EYS: variants seen among roughly 807,000 people sequenced by gnomAD.
The protein encoded by EYS is protein eyes shut homolog.
In EYS, 250 loss-of-function variants were observed where a neutral mutation model predicts 282.1. The observed-to-expected ratio is 0.89, with a 90% CI of 0.80 to 0.98. The LOEUF (loss-of-function observed/expected upper bound fraction) is 0.98. EYS is among the 50% of genes least tolerant of loss of function. The pLI is 0.00. For missense variants in EYS, 4,016 were observed against 3,709.0 expected (o/e 1.08, Z -2.15); for synonymous variants, 1,355 against 1,282.9 (o/e 1.06, Z -1.20).
intron 31 of EYS, among the ~76,000 whole-genome samples, chr6:64,147,225 A>T (rs1490912484): frequency 6.6e-6 from 1 of 152,128 alleles, no homozygotes; most frequent in Non-Finnish European, 1.5e-5. Flanking sequence ...GCACTTAGAA[A>T]AGGAGATGGT....
chr6:65,372,883 C>T (rs913528470), intron 8 of EYS, among the ~76,000 whole-genome samples: 1 of 151,772 alleles, frequency 6.6e-6, no homozygotes, highest in Non-Finnish European at 1.5e-5. Flanking sequence ...TATTTTCCAG[C>T]CTATTTTATT....
At chr6:63,785,690 T>C (rs1228506158) in intron 39 of EYS, among the ~76,000 whole-genome samples, 1 of 152,086 alleles carries the variant, frequency 6.6e-6, no homozygotes, top group Non-Finnish European at 1.5e-5. Flanking sequence ...ATCACGAACT[T>C]TGGATTAGAG....
At chr6:63,781,699 G>C (rs932540614) in intron 39 of EYS, among the ~76,000 whole-genome samples, 2 of 152,110 alleles carry the variant, frequency 1.3e-5, no homozygotes, top group Non-Finnish European at 1.5e-5. Flanking sequence ...CTGCAAACAG[G>C]GACAATCTTA....
intron 22 of EYS, among the ~76,000 whole-genome samples, chr6:64,807,075 A>C (rs1764452405): frequency 6.6e-6 from 1 of 152,168 alleles, no homozygotes; most frequent in Admixed American, 6.6e-5. Context: ...CACATGGTTA[A>C]TAATACTTAT....
At chr6:64,906,442 C>T (rs937898064) in intron 16 of EYS, among the ~76,000 whole-genome samples, 1 of 152,070 alleles carries the variant, frequency 6.6e-6, no homozygotes. Flanking sequence ...TAATTGTCAA[C>T]AGGAGTAATT....
rs1424625518 is a variant in EYS, at chr6:64,912,722, C to T, written c.2403G>A (p.Trp801Ter). Residue 801 changes from tryptophan to a stop codon, truncating the protein, a stop_gained, in exon 16 of 43, where the codon TGG becomes TGA. Transcript: ENST00000503581. LOFTEE classifies it high-confidence loss of function. Reference protein sequence around the residue: ...KSYRCECTSGWTGQNCSEEIN... With the variant: ...KSYRCECTSG Reference sequence around the variant, plus strand: ...TTTCTTCACTACAGTTCTGTCCAGTCCATCCAGATGTACACTCACATCTGA... The same window carrying T: ...TTTCTTCACTACAGTTCTGTCCAGTTCATCCAGATGTACACTCACATCTGA... 6.9e-7 allele frequency: 1 copy of T among 1,438,890 alleles called. No individual in the cohort carries two copies. The highest frequency in any genetic ancestry group is 9.2e-7 in the Non-Finnish European group (1 of 1,087,894). The allele number at this position is 1,438,890 out of a possible 1,614,324, so 89.1% of individuals were successfully genotyped here. A position where few individuals can be genotyped will look rare whatever the true frequency, so the allele number is the denominator to read the frequency against.
intron 36 of EYS, among the ~76,000 whole-genome samples, chr6:63,843,216 G>A (rs1175500621): frequency 2.0e-5 from 3 of 152,126 alleles, no homozygotes; most frequent in African/African-American, 4.8e-5. Flanking sequence ...CCATTTTCAC[G>A]ATATTGATTC....
At chr6:63,970,827 G>A (rs1029626550) in intron 35 of EYS, among the ~76,000 whole-genome samples, 1 of 152,142 alleles carries the variant, frequency 6.6e-6, no homozygotes, top group African/African-American at 2.4e-5. Context: ...ATGAGAGGAA[G>A]GAAACTGGAA....
At chr6:65,685,369 G>A (rs147767621) in intron 1 of EYS, among the ~76,000 whole-genome samples, 40 of 152,070 alleles carry the variant, frequency 2.6e-4, no homozygotes, top group Non-Finnish European at 3.8e-4. Flanking sequence ...AAGAAGCTAC[G>A]ACTACGACAT....
intron 13 of EYS, among the ~76,000 whole-genome samples, chr6:65,024,491 G>A (rs1201752850): frequency 6.6e-6 from 1 of 152,148 alleles, no homozygotes; most frequent in Non-Finnish European, 1.5e-5. Context: ...TCATTACAGG[G>A]CTGAGTGTTC....
intron 22 of EYS, among the ~76,000 whole-genome samples, chr6:64,772,969 C>A (rs913137964): frequency 3.3e-5 from 5 of 151,692 alleles, no homozygotes; most frequent in African/African-American, 1.2e-4. Context: ...AGTGACATAT[C>A]CTTTCTCAAC....
At chr6:64,192,415 A>G (rs959227427) in intron 31 of EYS, among the ~76,000 whole-genome samples, 1 of 151,864 alleles carries the variant, frequency 6.6e-6, no homozygotes. Flanking sequence ...GCATCACGCT[A>G]CCTGACTTCA....
chr6:64,131,208 C>T (rs1773968160), intron 31 of EYS, among the ~76,000 whole-genome samples: 2 of 152,078 alleles, frequency 1.3e-5, no homozygotes, highest in African/African-American at 2.4e-5. Context: ...CATTGGAAAG[C>T]TTTTAGAGGG....
At chr6:63,771,444 C>T (rs1033228848) in intron 40 of EYS, among the ~76,000 whole-genome samples, 3 of 152,076 alleles carry the variant, frequency 2.0e-5, no homozygotes, top group Non-Finnish European at 4.4e-5. Context: ...ACCCCCTGCA[C>T]CAATCTAAAC....
At chr6:64,630,270 TG>T (rs1767736208) in intron 22 of EYS, among the ~76,000 whole-genome samples, 1 of 152,052 alleles carries the variant, frequency 6.6e-6, no homozygotes, top group Admixed American at 6.6e-5. Flanking sequence ...TATTTTATTT[TG>T]TATTTTTAAT....
chr6:64,720,989 GAAAATA>G, intron 22 of EYS, among the ~76,000 whole-genome samples: 1 of 109,584 alleles, frequency 9.1e-6, no homozygotes, highest in Admixed American at 1.1e-4. Context: ...TCTGTAAACT[GAAAATA>G]AGTAATAAGG....
rs541873990 is a variant in EYS, at chr6:65,087,505, C to A, written c.2024-29778G>T. Among the ~76,000 whole-genome samples the A allele has an allele frequency of 2.0e-5, 3 of 152,162 alleles. No individual in the cohort carries two copies. In the East Asian group the frequency reaches 5.8e-4, roughly 29 times the overall value. ...ACAGCTGTGCATCTTACCTAACTGG[C>A]TCCTTCTTCTCATTCTTTTCACTCT... is the stretch of plus-strand genomic sequence containing the variant. On this transcript the variant is annotated intron_variant, in intron 12 of 42. Coordinates refer to ENST00000503581, the MANE Select transcript of EYS (RefSeq NM_001142800.2).
intron 14 of EYS, among the ~76,000 whole-genome samples, chr6:64,948,330 G>A (rs1454862071): frequency 6.6e-6 from 1 of 150,932 alleles, no homozygotes; most frequent in South Asian, 2.1e-4. Flanking sequence ...CATTCTTGCT[G>A]CAAAGCAGTT....
intron 35 of EYS, among the ~76,000 whole-genome samples, chr6:63,876,177 G>C (rs972944678): frequency 1.3e-5 from 2 of 152,082 alleles, no homozygotes; most frequent in African/African-American, 4.8e-5. Context: ...TTGTGTCTTT[G>C]TTCTCATTGG....
Sources: allele counts gnomAD v4.1 joint callset (sites outside exome capture counted in the v4.1 genomes callset), GRCh38; gene constraint gnomAD v4.1.1; transcripts MANE v1.5; gene names NCBI Gene and HGNC (gene_info 2026-07-23, HGNC 2026-07-21).